The following PCSK5 variants were observed in gnomAD, a reference collection of about 807,000 sequenced individuals.
The protein encoded by PCSK5 is proprotein convertase subtilisin/kexin type 5, also known as prohormone convertase 5.
PCSK5 carries 129 observed loss-of-function variants against 233.2 expected under a neutral mutation model. The ratio of observed to expected loss-of-function variants is 0.55; its 90% CI spans 0.48 to 0.64. The LOEUF (loss-of-function observed/expected upper bound fraction) is 0.64, where lower values mean the gene tolerates loss of function less well. PCSK5 is among the 30% of genes least tolerant of loss of function. The pLI is 0.00. For missense variants in PCSK5, 2,076 were observed against 2,430.1 expected (o/e 0.85, Z 3.06); for synonymous variants, 825 against 879.2 (o/e 0.94, Z 1.09).
chr9:76,351,447 G>GAAAGGAAAGAAAAGAAAGAAAGAAA, intron 36 of PCSK5, among the ~76,000 whole-genome samples: 1 of 27,472 alleles, frequency 3.6e-5, no homozygotes, highest in East Asian at 1.3e-3. Context: ...GTGAAAGAAA[G>GAAAGGAAAGAAAAGAAAGAAAGAAA]GAAAGAAAGA....
intron 1 of PCSK5, among the ~76,000 whole-genome samples, chr9:75,902,511 A>G (rs1210203721): frequency 6.6e-6 from 1 of 152,174 alleles, no homozygotes; most frequent in Non-Finnish European, 1.5e-5. Flanking sequence ...GCCAACCCAG[A>G]GAGTATTTTT....
At chr9:75,943,092 C>T (rs913461474) in intron 2 of PCSK5, among the ~76,000 whole-genome samples, 2 of 151,898 alleles carry the variant, frequency 1.3e-5, no homozygotes, top group African/African-American at 4.8e-5. Flanking sequence ...GCCATGTTGG[C>T]CAGGCTGGTC....
intron 21 of PCSK5, among the ~76,000 whole-genome samples, chr9:76,230,440 T>C (rs1211849766): frequency 6.6e-6 from 1 of 152,166 alleles, no homozygotes; most frequent in African/African-American, 2.4e-5. Context: ...TTCTGAGTGG[T>C]TTTTAATGGT....
At position 75,952,419 on chromosome 9, in the gene PCSK5, A is replaced by G. The variant is rs1040958142; in HGVS notation, c.297+19936A>G. ...TCCTTGTTTGCTTTTTGTTTCCACTATAAATTAGTTTTGAATGGCATACTT... is the reference window on the plus strand; with the variant it reads ...TCCTTGTTTGCTTTTTGTTTCCACTGTAAATTAGTTTTGAATGGCATACTT... On this transcript the variant is annotated intron_variant, in intron 2 of 37. Coordinates refer to ENST00000674117, the MANE Select transcript of PCSK5 (RefSeq NM_001372043.1). 2.0e-5 allele frequency among the ~76,000 whole-genome samples: 3 copies of G among 152,170 alleles called. No individual in the cohort carries two copies. In the South Asian group the frequency reaches 6.2e-4, roughly 32 times the overall value.
rs200129606 is a variant in PCSK5 at position 76,134,181 on chromosome 9, T to A, written c.1281T>A (p.Asn427Lys). 2.4e-5 allele frequency: 39 copies of A among 1,608,848 alleles called. No individual in the cohort carries two copies. The highest frequency in any genetic ancestry group is 3.1e-5 in the Non-Finnish European group (36 of 1,177,106). The change falls in exon 10 of 38, where the codon AAT (asparagine) becomes AAA (lysine). Residue 427 changes from asparagine to lysine, a missense_variant. This residue lies in a region of PCSK5 where 178 missense variants were observed against 393.6 expected (regional missense o/e 0.45). Transcript: ENST00000674117. ...CCCGTGCGGGACATTTGAACGCTAA[T>A]GACTGGAAAACCAATGCTGCTGGTT... ...RTSRAGHLNA[N>K]DWKTNAAGFK...
In PCSK5 at chr9:76,321,576, A is replaced by G. The variant is rs1110223; in HGVS notation, c.4039A>G (p.Lys1347Glu). 0.33 allele frequency: 532,632 copies of G among 1,611,660 alleles called. 90,023 individuals are homozygous for G. Among genetic ancestry groups the G allele is most frequent in the African/African-American group, 0.43 (32,235 of 74,948 alleles). Residue 1347 changes from lysine to glutamate, a missense_variant, in exon 31 of 38, where the codon AAG (lysine) becomes GAG (glutamate). Transcript: ENST00000674117. ...CTGCCCCGAGAGGCACGTGGCTGTGAAGGGGGTATGCAAGCATTGCCCAGA... is the reference window on the plus strand; with the variant it reads ...CTGCCCCGAGAGGCACGTGGCTGTGGAGGGGGTATGCAAGCATTGCCCAGA... ...ENCPERHVAV[K>E]GVCKHCPEMC...
At chr9:76,240,789 A>G in intron 24 of PCSK5, 105 bp downstream of exon 24, 1 of 759,740 alleles carries the variant, frequency 1.3e-6, no homozygotes, top group South Asian at 1.6e-5. Context: ...CATTGCTGTC[A>G]GCCTCAGTGA....
chr9:75,895,689 A>G (rs1343428028), intron 1 of PCSK5, among the ~76,000 whole-genome samples: 3 of 152,228 alleles, frequency 2.0e-5, no homozygotes, highest in Non-Finnish European at 4.4e-5. Context: ...GGGAGGAAAA[A>G]TAACCTGAAA....
At chr9:76,234,173 A>C (rs528845059) in intron 22 of PCSK5, among the ~76,000 whole-genome samples, 25 of 151,922 alleles carry the variant, frequency 1.6e-4, no homozygotes, top group African/African-American at 6.0e-4. Flanking sequence ...TCCCCTACCG[A>C]CCTCATGTGG....
intron 1 of PCSK5, among the ~76,000 whole-genome samples, chr9:75,922,468 T>G (rs538506843): frequency 1.3e-4 from 20 of 152,052 alleles, no homozygotes; most frequent in African/African-American, 4.8e-4. Flanking sequence ...GCTTGTTACA[T>G]GAGAAAAAAA....
At chr9:76,314,396 G>A (rs1472003732) in intron 30 of PCSK5, among the ~76,000 whole-genome samples, 2 of 151,970 alleles carry the variant, frequency 1.3e-5, no homozygotes, top group Non-Finnish European at 2.9e-5. Flanking sequence ...CACAAAAAAA[G>A]AAAACTAACA....
intron 7 of PCSK5, among the ~76,000 whole-genome samples, chr9:76,091,623 T>C (rs2131640995): frequency 6.6e-6 from 1 of 152,228 alleles, no homozygotes; most frequent in African/African-American, 2.4e-5. Context: ...CTCTGGGTTT[T>C]AATGAGGTTT....
At chr9:76,244,851 C>T (rs1301254295) in intron 24 of PCSK5, among the ~76,000 whole-genome samples, 3 of 152,256 alleles carry the variant, frequency 2.0e-5, no homozygotes, top group Admixed American at 2.0e-4. Context: ...GATTTCTCTT[C>T]TTTGTCAAGT....
chr9:76,083,204 C>CAAAAAAAAAAAAAAAAAA (rs11324176), intron 7 of PCSK5, among the ~76,000 whole-genome samples: 1 of 75,460 alleles, frequency 1.3e-5, no homozygotes. Flanking sequence ...AGCGAGATCT[C>CAAAAAAAAAAAAAAAAAA]AAAAAAAAAA....
chr9:76,083,651 A>G (rs946223766), intron 7 of PCSK5, among the ~76,000 whole-genome samples: 9 of 152,172 alleles, frequency 5.9e-5, no homozygotes, highest in African/African-American at 1.7e-4. Context: ...TCTGACCACT[A>G]TTTTCCCTTC....
chr9:76,218,785 C>T (rs568657422), intron 20 of PCSK5, among the ~76,000 whole-genome samples: 1 of 149,916 alleles, frequency 6.7e-6, no homozygotes, highest in Non-Finnish European at 1.5e-5. Flanking sequence ...GACGGGATGA[C>T]TCCAAAATGT....
At chr9:76,102,813 C>A (rs1050572356) in intron 8 of PCSK5, among the ~76,000 whole-genome samples, 1 of 151,982 alleles carries the variant, frequency 6.6e-6, no homozygotes, top group Admixed American at 6.6e-5. Context: ...TCCTAATGAA[C>A]GGAAGAGTTG....
rs74521236 is a variant in PCSK5, at chr9:75,894,412, A to G, written c.192+3039A>G. 3.3e-5 allele frequency among the ~76,000 whole-genome samples: 5 copies of G among 152,300 alleles called. No individual in the cohort carries two copies. The East Asian group carries it at 9.7e-4, about 29-fold the overall frequency. On this transcript the variant is annotated intron_variant, in intron 1 of 37. Transcript: ENST00000674117. ...AAAAAAAGATGGGATGTGCAGAGTA[A>G]CACAAGAAGAAAGCAAACAAACAAG...
chr9:76,319,609 C>A (rs1347369938), intron 30 of PCSK5, among the ~76,000 whole-genome samples: 1 of 152,020 alleles, frequency 6.6e-6, no homozygotes, highest in Non-Finnish European at 1.5e-5. Context: ...TGGGAAGGCA[C>A]CCGTTACTTA....
Sources: allele counts gnomAD v4.1 joint callset (sites outside exome capture counted in the v4.1 genomes callset), GRCh38; gene constraint gnomAD v4.1.1; regional missense constraint gnomAD v4.1.1; transcripts MANE v1.5; gene names NCBI Gene and HGNC (gene_info 2026-07-23, HGNC 2026-07-21).